Variants in NEDD8 observed in about 807,000 individuals in gnomAD.
The protein encoded by NEDD8 is ubiquitin-like protein NEDD8.
Under a neutral mutation model 13.8 loss-of-function variants are expected in NEDD8, and 1 was observed. The ratio of observed to expected loss-of-function variants is 0.07; its 90% confidence interval spans 0.03 to 0.34. The LOEUF is 0.34. Ranked by LOEUF, NEDD8 falls within the 10% of genes least tolerant of loss-of-function variation. The pLI, the probability that NEDD8 is intolerant of heterozygous loss-of-function variation, is 0.99. For synonymous variants in NEDD8, 31 were observed against 33.2 expected, an observed-to-expected ratio of 0.93 and a Z score of 0.23; for missense variants, 10 against 95.2, an observed-to-expected ratio of 0.10 and a Z score of 3.73.
intron 2 of NEDD8, 72 bp from the exon 3 acceptor site, chr14:24,218,287 T>C (rs2039743085): frequency 2.5e-6 from 4 of 1,613,774 alleles, no homozygotes; most frequent in Admixed American, 3.3e-5. Flanking sequence ...ACAAGGGCTA[T>C]GCAGACAGCA....
At chr14:24,222,818 G>C (rs935151130) in intron 1 of NEDD8, among the ~76,000 whole-genome samples, 1 of 152,038 alleles carries the variant, frequency 6.6e-6, no homozygotes, top group African/African-American at 2.4e-5. Flanking sequence ...GCTGGGTGCG[G>C]TGGCTCACAC....
chr14:24,228,325 G>C (rs1239408965), intron 1 of NEDD8: 1 of 152,116 alleles, frequency 6.6e-6, no homozygotes, highest in South Asian at 2.1e-4. Context: ...CCCAAGAGGC[G>C]GAGGTTGCAA....
chr14:24,219,474 G>A (rs1247999435), intron 1 of NEDD8, among the ~76,000 whole-genome samples: 6 of 31,324 alleles, frequency 1.9e-4, no homozygotes, highest in African/African-American at 6.4e-4. Context: ...CAACACCCTC[G>A]CAAAAAAAAA....
chr14:24,217,234 A>C lies in NEDD8; in HGVS notation c.150-11T>G, dbSNP rs747363139. ...GTCTTCTCATCATTCCTGCAGGAAA[A>C]GGAAGCCAGAAAAAAAAGAAAAAGA... is the stretch of plus-strand genomic sequence containing the variant. On this transcript the variant is annotated splice_polypyrimidine_tract_variant and intron_variant, in intron 3 of 3. Transcript: ENST00000250495. 1 of 1,596,888 alleles carries C rather than the reference A, an allele frequency of 6.3e-7. No homozygotes were observed. The highest frequency in any genetic ancestry group is 1.1e-5 in the South Asian group (1 of 88,082).
intron 1 of NEDD8, among the ~76,000 whole-genome samples, chr14:24,224,763 C>T (rs2039862289): frequency 6.6e-6 from 1 of 152,166 alleles, no homozygotes; most frequent in Admixed American, 6.5e-5. Context: ...CACATCACCA[C>T]CTATGAATTC....
chr14:24,217,038 G>A lies in NEDD8; in HGVS notation c.*89C>T. 3.0e-6 allele frequency: 3 copies of A among 999,072 alleles called. No homozygotes were observed. Among genetic ancestry groups the A allele is most frequent in the Non-Finnish European group, 4.5e-6 (3 of 659,886 alleles). The allele number at this position is 999,072 out of a possible 1,614,324, so 61.9% of individuals were successfully genotyped here. On this transcript the variant is annotated 3_prime_UTR_variant, in exon 4 of 4. Transcript: ENST00000250495. Reference sequence around the variant, plus strand: ...ATACATTACTGGGCATCCAGGGGAGGGGGCAGTGGCTATGGTGTCCCAGAG... The same window carrying A: ...ATACATTACTGGGCATCCAGGGGAGAGGGCAGTGGCTATGGTGTCCCAGAG...
intron 1 of NEDD8, chr14:24,226,458 A>ATT (rs2039893093): frequency 2.0e-5 from 3 of 152,176 alleles, no homozygotes; most frequent in Non-Finnish European, 2.9e-5. Context: ...AAAAAAAAAA[A>ATT]AAAAATTAAA....
At chr14:24,217,500 G>A (rs1017488705) in intron 3 of NEDD8, among the ~76,000 whole-genome samples, 1 of 152,114 alleles carries the variant, frequency 6.6e-6, no homozygotes, top group African/African-American at 2.4e-5. Context: ...ATGTTGGCCA[G>A]GCTGGTCTCG....
intron 1 of NEDD8, among the ~76,000 whole-genome samples, chr14:24,222,025 C>G (rs933771000): frequency 1.3e-5 from 2 of 152,186 alleles, no homozygotes; most frequent in Admixed American, 6.5e-5. Flanking sequence ...CTAGAGCTGG[C>G]CCTTTGTTTC....
intron 1 of NEDD8, among the ~76,000 whole-genome samples, chr14:24,225,434 T>C (rs907533652): frequency 1.3e-5 from 2 of 152,140 alleles, no homozygotes; most frequent in African/African-American, 4.8e-5. Flanking sequence ...AAAATTACGG[T>C]TATGTTAGAA....
intron 1 of NEDD8, among the ~76,000 whole-genome samples, chr14:24,221,519 A>C (rs1278999182): frequency 1.3e-5 from 2 of 151,992 alleles, no homozygotes; most frequent in African/African-American, 2.4e-5. Flanking sequence ...ACCTCAAGTG[A>C]TCCACCTGCC....
intron 1 of NEDD8, among the ~76,000 whole-genome samples, chr14:24,225,171 CAAAAAA>C (rs71281817): frequency 8.1e-6 from 1 of 123,950 alleles, no homozygotes; most frequent in Non-Finnish European, 1.7e-5. Flanking sequence ...GACTCTGTCT[CAAAAAA>C]AAAAAAAAAG....
intron 1 of NEDD8, among the ~76,000 whole-genome samples, chr14:24,228,927 G>A (rs1255476872): frequency 6.6e-6 from 1 of 151,722 alleles, no homozygotes; most frequent in Non-Finnish European, 1.5e-5. Context: ...AGAGAGATGG[G>A]GCACAGAGGC....
At chr14:24,220,474 A>G (rs2039787521) in intron 1 of NEDD8, among the ~76,000 whole-genome samples, 1 of 152,144 alleles carries the variant, frequency 6.6e-6, no homozygotes, top group African/African-American at 2.4e-5. Flanking sequence ...GGGTGTGTGC[A>G]CCACCACACT....
At chr14:24,232,196 C>A in intron 1 of NEDD8, 54 bp downstream of exon 1, 2 of 1,613,254 alleles carry the variant, frequency 1.2e-6, no homozygotes, top group Admixed American at 3.3e-5. Flanking sequence ...TCCCGTAAGG[C>A]ACTGCTGCCA....
chr14:24,231,294 A>T (rs1373064463), intron 1 of NEDD8, among the ~76,000 whole-genome samples: 6 of 152,196 alleles, frequency 3.9e-5, no homozygotes, highest in African/African-American at 1.4e-4. Flanking sequence ...CATCTTTAAC[A>T]TACTATTTTA....
chr14:24,223,882 G>A (rs980973753), intron 1 of NEDD8, among the ~76,000 whole-genome samples: 3 of 151,478 alleles, frequency 2.0e-5, no homozygotes, highest in Non-Finnish European at 2.9e-5. Flanking sequence ...TTACAGCCGC[G>A]TGTCACTACG....
intron 1 of NEDD8, among the ~76,000 whole-genome samples, chr14:24,223,227 A>AT (rs2039836635): frequency 6.6e-6 from 1 of 151,874 alleles, no homozygotes; most frequent in Non-Finnish European, 1.5e-5. Context: ...ACATAGTGAG[A>AT]TCCCCATCTC....
intron 1 of NEDD8, among the ~76,000 whole-genome samples, chr14:24,219,475 C>CAAAAAAAAAAA (rs59964484): frequency 3.0e-5 from 1 of 33,368 alleles, no homozygotes; most frequent in South Asian, 1.7e-3. Context: ...AACACCCTCG[C>CAAAAAAAAAAA]AAAAAAAAAA....
Sources: gnomAD v4.1 joint callset for allele counts (sites outside exome capture counted in the v4.1 genomes callset) on GRCh38, gnomAD v4.1.1 for gene constraint, MANE v1.5 for transcripts, NCBI Gene and HGNC (gene_info 2026-07-23, HGNC 2026-07-21) for gene names.